The following ZNF528 variants were observed in gnomAD, a reference collection of about 807,000 sequenced individuals.
ZNF528 encodes the protein zinc finger protein 528.
A neutral mutation model predicts 13.3 loss-of-function variants in ZNF528; 9 were observed. The ratio of observed to expected loss-of-function variants is 0.67; its 90% confidence interval spans 0.41 to 1.18. The LOEUF (loss-of-function observed/expected upper bound fraction) is 1.18. ZNF528 is among the 50% of genes most tolerant of loss of function. The probability of loss-of-function intolerance (pLI) is 0.01; values close to 1 mark genes in which losing one functional copy is unlikely to be tolerated. For missense variants in ZNF528, 858 were observed against 745.4 expected (o/e 1.15, Z -1.76); for synonymous variants, 264 against 254.3 (o/e 1.04, Z -0.36).
In ZNF528 at chr19:52,414,447, T is replaced by C. The variant is rs936929784; in HGVS notation, c.272-677T>C. 6 of 615,292 alleles carry C rather than the reference T, an allele frequency of 9.8e-6. No individual in the cohort carries two copies. In the African/African-American group the frequency reaches 1.1e-4, roughly 11 times the overall value. The allele number at this position is 615,292 out of a possible 1,614,324, so 38.1% of individuals were successfully genotyped here. ...GAGCTTTAGAGCCCTTTGTATTTTATTGGGTAAAGGAGATGGTGGCAGGGG... is the reference window on the plus strand; with the variant it reads ...GAGCTTTAGAGCCCTTTGTATTTTACTGGGTAAAGGAGATGGTGGCAGGGG... On this transcript the variant is annotated intron_variant, in intron 6 of 6. Transcript: ENST00000360465.
At chr19:52,405,573 A>T (rs2058845424) in intron 4 of ZNF528, among the ~76,000 whole-genome samples, 1 of 152,158 alleles carries the variant, frequency 6.6e-6, no homozygotes, top group African/African-American at 2.4e-5. Context: ...ATCTCTGAAG[A>T]CACCACTTGA....
chr19:52,411,492 A>G (rs2058930547), intron 6 of ZNF528: 1 of 152,192 alleles, frequency 6.6e-6, no homozygotes, highest in South Asian at 2.1e-4. Context: ...TTTTGGAATA[A>G]CAAATACCAG....
rs1284870991 is a variant in ZNF528 at position 52,416,459 on chromosome 19, T to G, written c.1607T>G (p.Leu536Arg). ...AAGGTCTTTAATCAAGCATCATACCTTACAAGACATCAAATAATTCATACT... is the reference window on the plus strand; with the variant it reads ...AAGGTCTTTAATCAAGCATCATACCGTACAAGACATCAAATAATTCATACT... ...CGKVFNQASY[L>R]TRHQIIHTGE... The change falls in exon 7 of 7, where the codon CTT becomes CGT. Residue 536 changes from leucine to arginine, a missense_variant. Coordinates refer to ENST00000360465, the MANE Select transcript of ZNF528 (RefSeq NM_032423.3). 3 of 1,614,194 alleles carry G rather than the reference T, an allele frequency of 1.9e-6. No homozygotes were observed. In the Admixed American group the frequency reaches 5.0e-5, roughly 27 times the overall value.
chr19:52,401,702 A>C lies in ZNF528; in HGVS notation c.-119A>C. 1 of 1,358,604 alleles carries C rather than the reference A, an allele frequency of 7.4e-7. No homozygotes were observed. The highest frequency in any genetic ancestry group is 9.6e-7 in the Non-Finnish European group (1 of 1,041,380). The allele number at this position is 1,358,604 out of a possible 1,614,324, so 84.2% of individuals were successfully genotyped here. On this transcript the variant is annotated 5_prime_UTR_variant, in exon 3 of 7. Coordinates refer to ENST00000360465, the MANE Select transcript of ZNF528 (RefSeq NM_032423.3). ...TTTTTTAGGTTCACAAATTTTAAGA[A>C]AGGGAGAATAAAGTGAAAAAAATCT...
At chr19:52,415,071 C>G (rs1028433380) in intron 6 of ZNF528, 53 bp from the exon 7 acceptor site, 1 of 1,611,122 alleles carries the variant, frequency 6.2e-7, no homozygotes, top group African/African-American at 1.3e-5. Context: ...CTGTCAGACA[C>G]TAAAGATGCC....
chr19:52,400,902 T>TC (rs1176497024), intron 2 of ZNF528, among the ~76,000 whole-genome samples: 1 of 152,164 alleles, frequency 6.6e-6, no homozygotes, highest in Non-Finnish European at 1.5e-5. Context: ...CTCTTTTTTT[T>TC]CGCAGCTTTG....
chr19:52,410,303 C>T (rs1030542916), intron 6 of ZNF528, among the ~76,000 whole-genome samples: 2 of 152,118 alleles, frequency 1.3e-5, no homozygotes, highest in Admixed American at 1.3e-4. Flanking sequence ...GGGCCCTGAG[C>T]TTTAGAGCCC....
chr19:52,401,945 A>G lies in ZNF528; in HGVS notation c.-67-2A>G. 1 of 1,613,460 alleles carries G rather than the reference A, an allele frequency of 6.2e-7. No homozygotes were observed. The highest frequency in any genetic ancestry group is 8.5e-7 in the Non-Finnish European group (1 of 1,179,622). On this transcript the variant is annotated splice_acceptor_variant, in intron 3 of 6. Coordinates refer to ENST00000360465, the MANE Select transcript of ZNF528 (RefSeq NM_032423.3). LOFTEE classifies it low-confidence loss of function (5UTR_SPLICE). Reference sequence around the variant, plus strand: ...CCTAAGCAGCATATTTTTGACATTCAGGATTCACTTCCAAAGAGACATATT... The same window carrying G: ...CCTAAGCAGCATATTTTTGACATTCGGGATTCACTTCCAAAGAGACATATT...
chr19:52,413,921 C>G (rs1313743202), intron 6 of ZNF528: 2 of 329,554 alleles, frequency 6.1e-6, no homozygotes, highest in Non-Finnish European at 5.8e-6. Context: ...GAGTGCCTGC[C>G]TGTGGAAACC....
chr19:52,410,388 T>G (rs1196539280), intron 6 of ZNF528, among the ~76,000 whole-genome samples: 1 of 152,160 alleles, frequency 6.6e-6, no homozygotes, highest in Admixed American at 6.5e-5. Context: ...ACAGCAGGCT[T>G]GCAAGACTGC....
At chr19:52,411,073 T>C (rs1314897959) in intron 6 of ZNF528, among the ~76,000 whole-genome samples, 1 of 152,188 alleles carries the variant, frequency 6.6e-6, no homozygotes, top group Non-Finnish European at 1.5e-5. Context: ...TTGCTTTACA[T>C]CTCTGAGTAA....
At position 52,416,313 on chromosome 19, in the gene ZNF528, T is replaced by A. The variant is rs375166633; in HGVS notation, c.1461T>A (p.His487Gln). 1.9e-6 allele frequency: 3 copies of A among 1,614,002 alleles called. No individual in the cohort carries two copies. The African/African-American group carries it at 4.0e-5, about 22-fold the overall frequency. Reference protein sequence around the residue: ...KSSLTSHHRIHTGEKPYKCNR... With the variant: ...KSSLTSHHRIQTGEKPYKCNR... ...CTCTAACCAGTCATCATAGAATTCATACTGGAGAGAAGCCTTACAAATGTA... is the reference window on the plus strand; with the variant it reads ...CTCTAACCAGTCATCATAGAATTCAAACTGGAGAGAAGCCTTACAAATGTA... The change falls in exon 7 of 7, where the codon CAT becomes CAA. Residue 487 changes from histidine (H) to glutamine (Q), a missense_variant. By Grantham distance (24) the His-to-Gln change is conservative (BLOSUM62 0). Transcript: ENST00000360465.
chr19:52,409,266 G>GT (rs1599830730), intron 6 of ZNF528, among the ~76,000 whole-genome samples: 1 of 149,812 alleles, frequency 6.7e-6, no homozygotes, highest in East Asian at 1.9e-4. Flanking sequence ...CTGTGTGAAT[G>GT]TATTTGGGTT....
Position 52,405,971 on chromosome 19 carries a change from C to T in ZNF528, c.80C>T (p.Pro27Leu), listed in dbSNP as rs146475361. 6.3e-5 allele frequency: 102 copies of T among 1,612,238 alleles called. No individual in the cohort carries two copies. Among genetic ancestry groups the T allele is most frequent in the Non-Finnish European group, 8.4e-5 (99 of 1,178,786 alleles). The stretch of plus-strand genomic sequence containing the variant: ...CAGGAAGAGTGGAAATGCCTGGACC[C>T]TGCGCAGAGGACTTTATACAGGGAC... ...FSQEEWKCLD[P>L]AQRTLYRDVM... Residue 27 changes from proline (P) to leucine (L), a missense_variant, in exon 5 of 7, where the codon CCT becomes CTT. Physicochemically the swap from Pro to Leu is moderately conservative, Grantham distance 98. Coordinates refer to ENST00000360465, the MANE Select transcript of ZNF528 (RefSeq NM_032423.3).
chr19:52,416,453 C>G lies in ZNF528; in HGVS notation c.1601C>G (p.Ser534Ter). The change falls in exon 7 of 7, where the codon TCA becomes TGA. Residue 534 changes from serine (S) to a stop codon, truncating the protein, a stop_gained. Transcript: ENST00000360465. LOFTEE classifies it low-confidence loss of function (END_TRUNC). Reference protein sequence around the residue: ...NQCGKVFNQASYLTRHQIIHT... With the variant: ...NQCGKVFNQA ...TGTGGCAAGGTCTTTAATCAAGCAT[C>G]ATACCTTACAAGACATCAAATAATT... is the stretch of plus-strand genomic sequence containing the variant. The G allele has an allele frequency of 6.2e-7, 1 of 1,614,168 alleles. No individual in the cohort carries two copies. Among genetic ancestry groups the G allele is most frequent in the Non-Finnish European group, 8.5e-7 (1 of 1,180,036 alleles).
chr19:52,412,340 A>G (rs1485121037), intron 6 of ZNF528: 1 of 152,232 alleles, frequency 6.6e-6, no homozygotes, highest in Non-Finnish European at 1.5e-5. Context: ...ATGCCTTGCA[A>G]GTTAAGGCGG....
At position 52,401,662 on chromosome 19, in the gene ZNF528, CTTTTTTTTTTT is replaced by C; in HGVS notation, c.-136-13_-136-3del. 1 of 906,372 alleles carries C rather than the reference CTTTTTTTTTTT, an allele frequency of 1.1e-6. No individual in the cohort carries two copies. The highest frequency in any genetic ancestry group is 1.6e-5 in the South Asian group (1 of 60,624). The allele number at this position is 906,372 out of a possible 1,614,324, so 56.1% of individuals were successfully genotyped here. A position where few individuals can be genotyped will look rare whatever the true frequency, so the allele number is the denominator to read the frequency against. ...CAGTTTATTACCACATGAAGAATTG[CTTTTTTTTTTT>C]TTTTTTTTTAGGTTCACAAATTTTA... is the stretch of plus-strand genomic sequence containing the variant. On this transcript the variant is annotated splice_polypyrimidine_tract_variant and intron_variant, in intron 2 of 6. Transcript: ENST00000360465.
intron 2 of ZNF528, among the ~76,000 whole-genome samples, chr19:52,401,187 A>T (rs1044881794): frequency 2.6e-5 from 4 of 151,606 alleles, no homozygotes; most frequent in Admixed American, 2.6e-4. Context: ...CATGTTCTCG[A>T]CATCTCTGCT....
intron 6 of ZNF528, among the ~76,000 whole-genome samples, chr19:52,409,837 CT>C (rs1420132209): frequency 1.3e-5 from 2 of 152,088 alleles, no homozygotes; most frequent in Non-Finnish European, 2.9e-5. Flanking sequence ...TTGTCTTAGC[CT>C]CCTGAGTAGC....
Sources: allele counts gnomAD v4.1 joint callset (sites outside exome capture counted in the v4.1 genomes callset), GRCh38; gene constraint gnomAD v4.1.1; transcripts MANE v1.5; gene names NCBI Gene and HGNC (gene_info 2026-07-23, HGNC 2026-07-21).